LOC122539214: variants seen among roughly 807,000 people sequenced by gnomAD.
chr19:52,661,767 T>C, the LOC122539214 span, among the ~76,000 whole-genome samples: 3 of 152,030 alleles, frequency 2.0e-5, no homozygotes, highest in South Asian at 2.1e-4. Flanking sequence ...ACAGAACAGG[T>C]AACATGGACC....
chr19:52,673,368 T>A, the LOC122539214 span, among the ~76,000 whole-genome samples: 7 of 152,102 alleles, frequency 4.6e-5, no homozygotes, highest in African/African-American at 1.7e-4. Context: ...CCGAGGGTGA[T>A]GGCGCATGCC....
the LOC122539214 span, among the ~76,000 whole-genome samples, chr19:52,673,629 C>A: frequency 6.6e-6 from 1 of 152,106 alleles, no homozygotes; most frequent in Non-Finnish European, 1.5e-5. Context: ...GAGCCAATAA[C>A]GATGCAAATA....
At chr19:52,688,606 G>A in the LOC122539214 span, among the ~76,000 whole-genome samples, 1 of 151,610 alleles carries the variant, frequency 6.6e-6, no homozygotes, top group African/African-American at 2.4e-5. Context: ...CTCTCCTGCT[G>A]TTTATCCCCT....
the LOC122539214 span, among the ~76,000 whole-genome samples, chr19:52,665,533 A>C: frequency 6.6e-6 from 1 of 152,174 alleles, no homozygotes; most frequent in Non-Finnish European, 1.5e-5. Context: ...TTTCTCTTCA[A>C]AGAATCAATG....
At chr19:52,683,257 T>C in the LOC122539214 span, among the ~76,000 whole-genome samples, 5 of 146,036 alleles carry the variant, frequency 3.4e-5, no homozygotes, top group Non-Finnish European at 6.0e-5. Context: ...TGTGTGTGTG[T>C]GTGTGTGTGT....
At chr19:52,659,344 C>G in the LOC122539214 span, among the ~76,000 whole-genome samples, 3 of 151,944 alleles carry the variant, frequency 2.0e-5, no homozygotes, top group Admixed American at 2.0e-4. Flanking sequence ...GGTGCCCACT[C>G]GAGGTTACCA....
At chr19:52,664,568 C>G in the LOC122539214 span, among the ~76,000 whole-genome samples, 1 of 151,948 alleles carries the variant, frequency 6.6e-6, no homozygotes. Flanking sequence ...CCAATTAACA[C>G]GAACTTTTAA....
At chr19:52,652,070 C>A in the LOC122539214 span, 1 of 240,002 alleles carries the variant, frequency 4.2e-6, no homozygotes, top group South Asian at 6.1e-5. Context: ...AAAGACATTG[C>A]CACACCTATT....
At chr19:52,676,577 T>G in the LOC122539214 span, among the ~76,000 whole-genome samples, 11 of 151,218 alleles carry the variant, frequency 7.3e-5, no homozygotes, top group African/African-American at 2.7e-4. Context: ...CCGCCCCTAC[T>G]GGGAAGTGAG....
chr19:52,656,668 C>T, the LOC122539214 span, among the ~76,000 whole-genome samples: 2 of 152,054 alleles, frequency 1.3e-5, no homozygotes, highest in African/African-American at 2.4e-5. Context: ...GAGATTAAGA[C>T]AAGCTGGGCC....
chr19:52,676,042 GCTCTCC>G, the LOC122539214 span, among the ~76,000 whole-genome samples: 6 of 152,018 alleles, frequency 3.9e-5, no homozygotes, highest in Admixed American at 2.0e-4. Context: ...TACAGCTCTC[GCTCTCC>G]CTCTCCCTCT....
chr19:52,654,035 C>T, the LOC122539214 span: 1 of 1,575,960 alleles, frequency 6.3e-7, no homozygotes, highest in Non-Finnish European at 8.7e-7. Flanking sequence ...ACCAAGGAAG[C>T]ATTGTTGATA....
chr19:52,668,138 C>T, the LOC122539214 span, among the ~76,000 whole-genome samples: 13 of 152,278 alleles, frequency 8.5e-5, no homozygotes, highest in Non-Finnish European at 1.9e-4. Context: ...GCGCCAGCTT[C>T]GGAGTTTCCA....
chr19:52,659,276 G>A, the LOC122539214 span, among the ~76,000 whole-genome samples: 1 of 152,092 alleles, frequency 6.6e-6, no homozygotes, highest in Non-Finnish European at 1.5e-5. Flanking sequence ...CGCGACCCCC[G>A]AAAACAAAGG....
At chr19:52,685,059 A>G in the LOC122539214 span, among the ~76,000 whole-genome samples, 1 of 152,190 alleles carries the variant, frequency 6.6e-6, no homozygotes, top group East Asian at 1.9e-4. Context: ...TGTTTCTTCC[A>G]TTCTTCTGCT....
At chr19:52,688,611 T>C in the LOC122539214 span, among the ~76,000 whole-genome samples, 1 of 152,016 alleles carries the variant, frequency 6.6e-6, no homozygotes, top group Non-Finnish European at 1.5e-5. Flanking sequence ...CTGCTGTTTA[T>C]CCCCTTCTTC....
the LOC122539214 span, among the ~76,000 whole-genome samples, chr19:52,669,304 A>G: frequency 1.3e-5 from 2 of 152,210 alleles, no homozygotes; most frequent in East Asian, 1.9e-4. Context: ...CATGGGGAAG[A>G]CTAGATCAAT....
the LOC122539214 span, chr19:52,650,876 A>G: frequency 4.6e-5 from 7 of 152,244 alleles, no homozygotes; most frequent in Non-Finnish European, 5.9e-5. Flanking sequence ...AGCTACATCA[A>G]TGCTAATGAG....
chr19:52,686,747 A>T, the LOC122539214 span, among the ~76,000 whole-genome samples: 2 of 151,846 alleles, frequency 1.3e-5, no homozygotes, highest in African/African-American at 4.8e-5. Context: ...TAAGTTTTGT[A>T]TTTTTCATAG....
Sources: allele counts gnomAD v4.1 joint callset (sites outside exome capture counted in the v4.1 genomes callset), GRCh38; gene constraint gnomAD v4.1.1; transcripts MANE v1.5.